The following PAQR7 variants were observed in gnomAD, a reference collection of about 807,000 sequenced individuals.
PAQR7 encodes the protein progestin and adipoQ receptor family member 7, also known as membrane progestin receptor alpha.
PAQR7 carries 14 observed loss-of-function variants against 24.6 expected under a neutral mutation model. The observed-to-expected ratio is 0.57, with a 90% CI of 0.38 to 0.89. The LOEUF (loss-of-function observed/expected upper bound fraction) is 0.89, where lower values mean the gene tolerates loss of function less well. Ranked by LOEUF, PAQR7 falls within the 40% of genes least tolerant of loss-of-function variation. PAQR7 has a pLI of 0.00. For synonymous variants in PAQR7, 189 were observed against 198.8 expected (o/e 0.95, Z 0.42); for missense variants, 351 against 444.0 (o/e 0.79, Z 1.88).
Position 25,875,256 on chromosome 1 carries a change from T to C in PAQR7, c.-109+232A>G, listed in dbSNP as rs561554405. On this transcript the variant is annotated intron_variant, in intron 1 of 2. Coordinates refer to ENST00000675840, the MANE Select transcript of PAQR7 (RefSeq NM_178422.6). This position sits in a 1 kb window ranked among gnomAD's most constrained non-coding sequence, Gnocchi z 5.4. ...ACGCCCCCATCCAGCGAGCTCCTCC[T>C]TCCTGCGCCCTCCGCTGGCTGCTTC... Among the ~76,000 whole-genome samples the C allele has an allele frequency of 1.3e-5, 2 of 152,282 alleles. No homozygotes were observed. The highest frequency in any genetic ancestry group is 6.5e-5 in the Admixed American group (1 of 15,314).
chr1:25,869,344 G>A (rs1242527798), intron 2 of PAQR7, among the ~76,000 whole-genome samples: 2 of 152,048 alleles, frequency 1.3e-5, no homozygotes, highest in Non-Finnish European at 2.9e-5. Context: ...GGCCGAGGTG[G>A]GCGGATCACC....
intron 1 of PAQR7, among the ~76,000 whole-genome samples, chr1:25,874,238 T>C (rs534806766): frequency 6.6e-6 from 1 of 150,970 alleles, no homozygotes; most frequent in African/African-American, 2.4e-5. Flanking sequence ...TGGAGTACAG[T>C]GGCACCATCT....
chr1:25,869,962 A>G (rs2048590140), intron 2 of PAQR7, among the ~76,000 whole-genome samples: 1 of 152,174 alleles, frequency 6.6e-6, no homozygotes, highest in Non-Finnish European at 1.5e-5. Flanking sequence ...CTAGGATGAC[A>G]GAGACCCCGC....
At position 25,861,542 on chromosome 1, in the gene PAQR7, AC is replaced by A. The variant is rs2048510400; in HGVS notation, c.*1256del. ...CCATAATCCAGACCACCCAGCCCCA[AC>A]CCCACTTTTCCTTCCACACCTCTTG... On this transcript the variant is annotated 3_prime_UTR_variant, in exon 3 of 3. Transcript: ENST00000675840. The A allele has an allele frequency of 6.6e-6, 1 of 152,064 alleles. No homozygotes were observed. The highest frequency in any genetic ancestry group is 1.5e-5 in the Non-Finnish European group (1 of 68,102). The allele number at this position is 152,064 out of a possible 1,614,324, so 9.4% of individuals were successfully genotyped here.
At chr1:25,870,722 A>C (rs1315270464) in intron 1 of PAQR7, 28 bp from the exon 2 acceptor site, 1 of 152,256 alleles carries the variant, frequency 6.6e-6, no homozygotes, top group African/African-American at 2.4e-5. Flanking sequence ...GAATGGAAGA[A>C]GGTTAGGAAT....
intron 2 of PAQR7, among the ~76,000 whole-genome samples, 188 bp downstream of exon 2, chr1:25,870,421 A>AC (rs1479061631): frequency 6.6e-6 from 1 of 152,060 alleles, no homozygotes; most frequent in Non-Finnish European, 1.5e-5. Context: ...GTGTGATGTC[A>AC]CCAGAGGGTG....
At chr1:25,868,146 T>TG (rs929841399) in intron 2 of PAQR7, among the ~76,000 whole-genome samples, 1 of 152,134 alleles carries the variant, frequency 6.6e-6, no homozygotes, top group Non-Finnish European at 1.5e-5. Context: ...CTGAGAACCT[T>TG]GGGGGGACCA....
At chr1:25,865,219 G>A (rs1257052297) in intron 2 of PAQR7, among the ~76,000 whole-genome samples, 3 of 151,104 alleles carry the variant, frequency 2.0e-5, no homozygotes, top group African/African-American at 7.3e-5. Context: ...AACCTCCTAC[G>A]ATGACCCCTC....
chr1:25,869,328 C>G (rs887768942), intron 2 of PAQR7, among the ~76,000 whole-genome samples: 1 of 151,656 alleles, frequency 6.6e-6, no homozygotes, highest in Non-Finnish European at 1.5e-5. Context: ...TCCCAGCTCA[C>G]TGGGAGGCCG....
At position 25,862,715 on chromosome 1, in the gene PAQR7, T is replaced by G. The variant is rs1421074830; in HGVS notation, c.*84A>C. 1.4e-6 allele frequency: 2 copies of G among 1,393,824 alleles called. No homozygotes were observed. The highest frequency in any genetic ancestry group is 2.0e-6 in the Non-Finnish European group (2 of 1,016,722). The allele number at this position is 1,393,824 out of a possible 1,614,324, so 86.3% of individuals were successfully genotyped here. A position where few individuals can be genotyped will look rare whatever the true frequency, so the allele number is the denominator to read the frequency against. ...ACTGTGGGCCAGACACAAACAACTT[T>G]ACCAGGCCTTGTTCCCACCTGGAGC... is the stretch of plus-strand genomic sequence containing the variant. On this transcript the variant is annotated 3_prime_UTR_variant, in exon 3 of 3. Coordinates refer to ENST00000675840, the MANE Select transcript of PAQR7 (RefSeq NM_178422.6).
rs1242582406 is a variant in PAQR7, at chr1:25,862,964, A to T, written c.876T>A (p.Ala292=). The change falls in exon 3 of 3, where the codon GCT becomes GCA. Residue 292 remains alanine (A), a synonymous_variant. Transcript: ENST00000675840. ...LVLCTLAQLE[A]VALDYEARRP... ...GTCGGGCCTCATAGTCCAGTGCCACAGCCTCCAGCTGAGCCAGCGTGCACA... is the reference window on the plus strand; with the variant it reads ...GTCGGGCCTCATAGTCCAGTGCCACTGCCTCCAGCTGAGCCAGCGTGCACA... 3 of 1,614,186 alleles carry T rather than the reference A, an allele frequency of 1.9e-6. No individual in the cohort carries two copies. In the Admixed American group the frequency reaches 5.0e-5, roughly 27 times the overall value.
chr1:25,866,633 C>T (rs1572278302), intron 2 of PAQR7, among the ~76,000 whole-genome samples: 1 of 152,220 alleles, frequency 6.6e-6, no homozygotes, highest in South Asian at 2.1e-4. Context: ...GGTAAGGAAA[C>T]TGAAGTACAG....
Position 25,862,651 on chromosome 1 carries a change from C to T in PAQR7, c.*148G>A. On this transcript the variant is annotated 3_prime_UTR_variant, in exon 3 of 3. Transcript: ENST00000675840. Reference sequence around the variant, plus strand: ...CCAATCCCTAAATCCAAGAATTGGCCAGTGATGCCCTTGGCAGTTGAGTCG... The same window carrying T: ...CCAATCCCTAAATCCAAGAATTGGCTAGTGATGCCCTTGGCAGTTGAGTCG... 1 of 880,378 alleles carries T rather than the reference C, an allele frequency of 1.1e-6. No individual in the cohort carries two copies. Among genetic ancestry groups the T allele is most frequent in the Non-Finnish European group, 1.7e-6 (1 of 580,446 alleles). The allele number at this position is 880,378 out of a possible 1,614,324, so 54.5% of individuals were successfully genotyped here.
At position 25,863,820 on chromosome 1, in the gene PAQR7, A is replaced by C; in HGVS notation, c.20T>G (p.Leu7Arg). ...CCGCAGACTCGGCAGGAGGTGGCTG[A>C]GTTTCTGGGCCATGGCCATGGCTGT... MAMAQK[L>R]SHLLPSLRQV... The change falls in exon 3 of 3, where the codon CTC (leucine) becomes CGC (arginine). Residue 7 changes from leucine to arginine, a missense_variant. Transcript: ENST00000675840. The surrounding 1 kb of genome is among the most constrained non-coding windows in gnomAD (Gnocchi z 6.1). 6.2e-7 allele frequency: 1 copy of C among 1,612,460 alleles called. No individual in the cohort carries two copies. Among genetic ancestry groups the C allele is most frequent in the Non-Finnish European group, 8.5e-7 (1 of 1,179,448 alleles).
At position 25,862,763 on chromosome 1, in the gene PAQR7, A is replaced by G; in HGVS notation, c.*36T>C. 6.3e-7 allele frequency: 1 copy of G among 1,580,718 alleles called. No individual in the cohort carries two copies. Among genetic ancestry groups the G allele is most frequent in the Non-Finnish European group, 8.6e-7 (1 of 1,159,440 alleles). On this transcript the variant is annotated 3_prime_UTR_variant, in exon 3 of 3. Coordinates refer to ENST00000675840, the MANE Select transcript of PAQR7 (RefSeq NM_178422.6). Reference sequence around the variant, plus strand: ...AGCCAAACCCAGACCCCTGTCCCCCAACTATACCTCCCTCCCTACCAGATG... The same window carrying G: ...AGCCAAACCCAGACCCCTGTCCCCCGACTATACCTCCCTCCCTACCAGATG...
chr1:25,863,906 C>T lies in PAQR7; in HGVS notation c.-22-45G>A. ...AAAGTCAGGGGCCTGGTGTCCTCAC[C>T]CCCACGAGCAGCAGCTGGGGGGCTC... On this transcript the variant is annotated intron_variant, in intron 2 of 2. Coordinates refer to ENST00000675840, the MANE Select transcript of PAQR7 (RefSeq NM_178422.6). This position sits in a 1 kb window ranked among gnomAD's most constrained non-coding sequence, Gnocchi z 6.1. 2 of 1,465,432 alleles carry T rather than the reference C, an allele frequency of 1.4e-6. No homozygotes were observed. The highest frequency in any genetic ancestry group is 1.8e-6 in the Non-Finnish European group (2 of 1,091,430). The allele number at this position is 1,465,432 out of a possible 1,614,324, so 90.8% of individuals were successfully genotyped here. A position where few individuals can be genotyped will look rare whatever the true frequency, so the allele number is the denominator to read the frequency against.
At chr1:25,868,040 T>C (rs980759143) in intron 2 of PAQR7, among the ~76,000 whole-genome samples, 2 of 152,224 alleles carry the variant, frequency 1.3e-5, no homozygotes, top group African/African-American at 2.4e-5. Context: ...GCCTTGCTGG[T>C]TGGGGAGCCA....
intron 2 of PAQR7, among the ~76,000 whole-genome samples, chr1:25,865,940 C>T (rs1289638539): frequency 2.0e-5 from 3 of 151,068 alleles, no homozygotes; most frequent in Non-Finnish European, 1.5e-5. Context: ...GAGCCGAGAT[C>T]GCACCATTGC....
At chr1:25,874,199 A>T (rs1292420595) in intron 1 of PAQR7, among the ~76,000 whole-genome samples, 9 of 79,908 alleles carry the variant, frequency 1.1e-4, no homozygotes, top group African/African-American at 3.3e-4. Context: ...TTTTTTTTTT[A>T]AACAGGGTCT....
Sources: allele counts gnomAD v4.1 joint callset (sites outside exome capture counted in the v4.1 genomes callset), GRCh38; gene constraint gnomAD v4.1.1; non-coding constraint Gnocchi (gnomAD v3.1); transcripts MANE v1.5; gene names NCBI Gene and HGNC (gene_info 2026-07-23, HGNC 2026-07-21).